Variants in STAT4 observed in about 807,000 individuals in gnomAD.
STAT4 encodes the protein signal transducer and activator of transcription 4.
In STAT4, 42 loss-of-function variants were observed where a neutral mutation model predicts 110.5. The observed-to-expected ratio is 0.38, with a 90% CI of 0.30 to 0.49. The LOEUF is 0.49. Ranked by LOEUF, STAT4 falls within the 20% of genes least tolerant of loss-of-function variation. The pLI, the probability that STAT4 is intolerant of heterozygous loss-of-function variation, is 0.95. For synonymous variants in STAT4, 284 were observed against 302.2 expected (o/e 0.94, Z 0.63); for missense variants, 632 against 887.9 (o/e 0.71, Z 3.66).
chr2:191,094,384 G>T (rs184243129), intron 3 of STAT4, among the ~76,000 whole-genome samples: 1 of 152,180 alleles, frequency 6.6e-6, no homozygotes, highest in Non-Finnish European at 1.5e-5. Flanking sequence ...GACTAACAGC[G>T]TATCTCTCAG....
rs1041488419 is a variant in STAT4 at position 191,059,615 on chromosome 2, G to A, written c.1035-846C>T. On this transcript the variant is annotated intron_variant, in intron 10 of 23. Coordinates refer to ENST00000392320, the MANE Select transcript of STAT4 (RefSeq NM_003151.4). The surrounding 1 kb of genome is among the most constrained non-coding windows in gnomAD (Gnocchi z 4.7). ...AGCAAAGACTGCAGAAGGGAGAAAC[G>A]TGGACGTGGCTCTACATAAAAGGAG... is the stretch of plus-strand genomic sequence containing the variant. Among the ~76,000 whole-genome samples the A allele has an allele frequency of 1.1e-4, 17 of 152,198 alleles. No homozygotes were observed. Among genetic ancestry groups the A allele is most frequent in the African/African-American group, 4.1e-4 (17 of 41,454 alleles).
chr2:191,149,439 T>C (rs1312973523), intron 1 of STAT4, among the ~76,000 whole-genome samples: 1 of 152,218 alleles, frequency 6.6e-6, no homozygotes, highest in Admixed American at 6.5e-5. Context: ...TTTATATTTA[T>C]GAAAACCTTT....
chr2:191,093,698 C>T (rs1365024529), intron 3 of STAT4, among the ~76,000 whole-genome samples: 1 of 152,206 alleles, frequency 6.6e-6, no homozygotes, highest in East Asian at 1.9e-4. Context: ...GGGATCACAG[C>T]TCCTTGCCAG....
rs536010310 is a variant in STAT4, at chr2:191,150,148, TA to T, written c.-2+798del. On this transcript the variant is annotated intron_variant, in intron 1 of 23. Coordinates refer to ENST00000392320, the MANE Select transcript of STAT4 (RefSeq NM_003151.4). This position sits in a 1 kb window ranked among gnomAD's most constrained non-coding sequence, Gnocchi z 6.4. The stretch of plus-strand genomic sequence containing the variant: ...TGTCAAATGAAAATAAAAGGAAAAT[TA>T]AAAAAAATAAAAATAAACACCGAAA... Among the ~76,000 whole-genome samples the T allele has an allele frequency of 4.4e-4, 67 of 151,458 alleles. No homozygotes were observed. The highest frequency in any genetic ancestry group is 7.7e-4 in the Non-Finnish European group (52 of 67,870).
intron 3 of STAT4, among the ~76,000 whole-genome samples, chr2:191,132,758 T>TC (rs1161292078): frequency 6.8e-6 from 1 of 147,576 alleles, no homozygotes; most frequent in African/African-American, 2.5e-5. Flanking sequence ...TGGTTTTCTT[T>TC]TTTTTTTTTT....
At chr2:191,100,115 C>T (rs1329454229) in intron 3 of STAT4, among the ~76,000 whole-genome samples, 1 of 152,036 alleles carries the variant, frequency 6.6e-6, no homozygotes, top group East Asian at 1.9e-4. Context: ...AAAATTAGAA[C>T]TCCTAAAGCA....
rs1324916156 is a variant in STAT4 at position 191,083,337 on chromosome 2, A to G, written c.274-7012T>C. Among the ~76,000 whole-genome samples the G allele has an allele frequency of 6.6e-6, 1 of 152,192 alleles. No individual in the cohort carries two copies. The highest frequency in any genetic ancestry group is 1.5e-5 in the Non-Finnish European group (1 of 68,032). On this transcript the variant is annotated intron_variant, in intron 3 of 23. Transcript: ENST00000392320. This position sits in a 1 kb window ranked among gnomAD's most constrained non-coding sequence, Gnocchi z 4.6. ...ATGTGACAGAGTTATCTACTCAAGGACTTTGGGAACTGGAGTATTTTCACA... is the reference window on the plus strand; with the variant it reads ...ATGTGACAGAGTTATCTACTCAAGGGCTTTGGGAACTGGAGTATTTTCACA...
At chr2:191,124,453 C>CAAA (rs34438452) in intron 3 of STAT4, among the ~76,000 whole-genome samples, 54 of 71,198 alleles carry the variant, frequency 7.6e-4, no homozygotes, top group Non-Finnish European at 1.1e-3. Context: ...GACGCCGTCT[C>CAAA]AAAAAAAAAA....
At chr2:191,088,380 G>T (rs1697698484) in intron 3 of STAT4, among the ~76,000 whole-genome samples, 1 of 152,096 alleles carries the variant, frequency 6.6e-6, no homozygotes, top group South Asian at 2.1e-4. Flanking sequence ...GATATGTAAG[G>T]AAAATGATAA....
intron 3 of STAT4, among the ~76,000 whole-genome samples, chr2:191,081,597 G>C (rs754943636): frequency 6.6e-6 from 1 of 152,226 alleles, no homozygotes; most frequent in South Asian, 2.1e-4. Context: ...GACCAGTGAC[G>C]ATGAGCATTT....
rs1696353894 is a variant in STAT4, at chr2:191,046,378, T to C, written c.1252-5230A>G. On this transcript the variant is annotated intron_variant, in intron 14 of 23. Coordinates refer to ENST00000392320, the MANE Select transcript of STAT4 (RefSeq NM_003151.4). The surrounding 1 kb of genome is among the most constrained non-coding windows in gnomAD (Gnocchi z 4.6). ...AGCACAGCCATCTTGAGCCATTGCC[T>C]GTCCCCTTTGCTTCTACCTCTGTGA... Among the ~76,000 whole-genome samples, 1 of 152,234 alleles carries C rather than the reference T, an allele frequency of 6.6e-6. No homozygotes were observed. Among genetic ancestry groups the C allele is most frequent in the Non-Finnish European group, 1.5e-5 (1 of 68,042 alleles).
At chr2:191,124,214 T>C (rs1359649624) in intron 3 of STAT4, among the ~76,000 whole-genome samples, 2 of 152,146 alleles carry the variant, frequency 1.3e-5, no homozygotes, top group Non-Finnish European at 2.9e-5. Flanking sequence ...CCCAGCACCT[T>C]GGGACGCGGA....
Position 191,032,955 on chromosome 2 carries a change from A to G in STAT4, c.2044+3T>C. ...AAAACAAAAACAAACAGAAAAACCTAACCTTCGCAAGGCTGAGAGCTGTAG... is the reference window on the plus strand; with the variant it reads ...AAAACAAAAACAAACAGAAAAACCTGACCTTCGCAAGGCTGAGAGCTGTAG... On this transcript the variant is annotated splice_donor_region_variant and intron_variant, in intron 21 of 23. Transcript: ENST00000392320. This position sits in a 1 kb window ranked among gnomAD's most constrained non-coding sequence, Gnocchi z 4.9. 6.3e-7 allele frequency: 1 copy of G among 1,588,002 alleles called. No homozygotes were observed. The highest frequency in any genetic ancestry group is 8.5e-7 in the Non-Finnish European group (1 of 1,171,740).
chr2:191,118,496 T>C (rs541372744), intron 3 of STAT4, among the ~76,000 whole-genome samples: 1 of 152,354 alleles, frequency 6.6e-6, no homozygotes, highest in South Asian at 2.1e-4. Flanking sequence ...TTTTGTGTTT[T>C]TTCATTTGAT....
chr2:191,109,667 T>C (rs1212669419), intron 3 of STAT4, among the ~76,000 whole-genome samples: 2 of 152,214 alleles, frequency 1.3e-5, no homozygotes, highest in Non-Finnish European at 2.9e-5. Flanking sequence ...AACATTTTAA[T>C]GATCCTTCCT....
intron 3 of STAT4, among the ~76,000 whole-genome samples, chr2:191,141,894 C>T (rs1022319722): frequency 6.6e-6 from 1 of 152,008 alleles, no homozygotes; most frequent in Non-Finnish European, 1.5e-5. Context: ...TGAGCTACCA[C>T]GCCCAGCCTA....
Position 191,077,598 on chromosome 2 carries a change from A to G in STAT4, c.274-1273T>C, listed in dbSNP as rs1697352653. Among the ~76,000 whole-genome samples the G allele has an allele frequency of 6.6e-6, 1 of 152,230 alleles. No homozygotes were observed. Among genetic ancestry groups the G allele is most frequent in the South Asian group, 2.1e-4 (1 of 4,836 alleles). On this transcript the variant is annotated intron_variant, in intron 3 of 23. Coordinates refer to ENST00000392320, the MANE Select transcript of STAT4 (RefSeq NM_003151.4). The surrounding 1 kb of genome is among the most constrained non-coding windows in gnomAD (Gnocchi z 4.1). ...ATTAACAATAAAAAATAGACTATAC[A>G]GATATAAACTAGAAGATTTTTCTAG...
Position 191,104,119 on chromosome 2 carries a change from T to G in STAT4, c.274-27794A>C, listed in dbSNP as rs1021772880. ...CCCGTTTTGTGAAAAAATATATCTA[T>G]TCATCTCTAATACTTTTAAAAAGAC... On this transcript the variant is annotated intron_variant, in intron 3 of 23. Coordinates refer to ENST00000392320, the MANE Select transcript of STAT4 (RefSeq NM_003151.4). This position sits in a 1 kb window ranked among gnomAD's most constrained non-coding sequence, Gnocchi z 4.3. 1.1e-4 allele frequency among the ~76,000 whole-genome samples: 17 copies of G among 152,146 alleles called. No individual in the cohort carries two copies. The highest frequency in any genetic ancestry group is 4.1e-4 in the African/African-American group (17 of 41,444).
rs1187646291 is a variant in STAT4, at chr2:191,061,189, T to C, written c.1034+540A>G. Among the ~76,000 whole-genome samples, 4 of 152,178 alleles carry C rather than the reference T, an allele frequency of 2.6e-5. No individual in the cohort carries two copies. The highest frequency in any genetic ancestry group is 6.5e-5 in the Admixed American group (1 of 15,282). ...AAATCAGGTACACAATAGGGACATA[T>C]GGAAAACTGTGGTATTGGGAGTTTT... On this transcript the variant is annotated intron_variant, in intron 10 of 23. Coordinates refer to ENST00000392320, the MANE Select transcript of STAT4 (RefSeq NM_003151.4). The surrounding 1 kb of genome is among the most constrained non-coding windows in gnomAD (Gnocchi z 6.2).
Sources: gnomAD v4.1 joint callset for allele counts (sites outside exome capture counted in the v4.1 genomes callset) on GRCh38, gnomAD v4.1.1 for gene constraint, Gnocchi (gnomAD v3.1) non-coding constraint, MANE v1.5 for transcripts, NCBI Gene and HGNC (gene_info 2026-07-23, HGNC 2026-07-21) for gene names.